The following ARHGAP10 variants were observed in gnomAD, a reference collection of about 807,000 sequenced individuals.
ARHGAP10 encodes the protein rho GTPase-activating protein 10.
Under a neutral mutation model 108.6 loss-of-function variants are expected in ARHGAP10, and 87 were observed. That is an observed-to-expected ratio of 0.80 (90% CI 0.67 to 0.96). The LOEUF (loss-of-function observed/expected upper bound fraction) is 0.96, where lower values mean the gene tolerates loss of function less well. Among genes scored for constraint, ARHGAP10 ranks in the 40% least tolerant of loss-of-function variants. The probability of loss-of-function intolerance (pLI) is 0.00; values close to 1 mark genes in which losing one functional copy is unlikely to be tolerated. For synonymous variants in ARHGAP10, 347 were observed against 341.1 expected (o/e 1.02, Z -0.19); for missense variants, 939 against 954.5 (o/e 0.98, Z 0.21).
chr4:147,870,302 C>T (rs995426156), intron 7 of ARHGAP10, among the ~76,000 whole-genome samples: 1 of 152,160 alleles, frequency 6.6e-6, no homozygotes, highest in Admixed American at 6.5e-5. Flanking sequence ...ACCTCGTGAT[C>T]TGCCTGCCTT....
chr4:147,912,985 G>T (rs1736819044), intron 12 of ARHGAP10, 89 bp from the exon 13 acceptor site: 2 of 1,278,062 alleles, frequency 1.6e-6, no homozygotes, highest in Non-Finnish European at 2.2e-6. Flanking sequence ...AAATTAGTTT[G>T]GATTTAAATA....
At chr4:147,773,221 C>T (rs1560749982) in intron 1 of ARHGAP10, among the ~76,000 whole-genome samples, 2 of 152,046 alleles carry the variant, frequency 1.3e-5, no homozygotes, top group Admixed American at 6.6e-5. Flanking sequence ...GTTAATGTGA[C>T]GTTACTTTCA....
At position 147,755,323 on chromosome 4, in the gene ARHGAP10, A is replaced by G. The variant is rs886353339; in HGVS notation, c.154+22868A>G. On this transcript the variant is annotated intron_variant, in intron 1 of 22. Coordinates refer to ENST00000336498, the MANE Select transcript of ARHGAP10 (RefSeq NM_024605.4). ...AACTCAGTCTGGGCGTTCTGTGTTC[A>G]TGGCATTTCTTCCCAGTTAATTCAT... 2.0e-5 allele frequency among the ~76,000 whole-genome samples: 3 copies of G among 152,252 alleles called. No homozygotes were observed. In the East Asian group the frequency reaches 5.8e-4, roughly 29 times the overall value.
intron 1 of ARHGAP10, among the ~76,000 whole-genome samples, chr4:147,746,314 G>A (rs1578994087): frequency 6.6e-6 from 1 of 151,672 alleles, no homozygotes; most frequent in South Asian, 2.1e-4. Context: ...ATGTTGGCCA[G>A]GATGGTCTTG....
At chr4:147,732,753 C>A (rs1376733881) in intron 1 of ARHGAP10, among the ~76,000 whole-genome samples, 2 of 152,218 alleles carry the variant, frequency 1.3e-5, no homozygotes, top group Admixed American at 1.3e-4. Flanking sequence ...GCTGAATGCG[C>A]GCTCCGCTGG....
chr4:148,061,368 G>T (rs186448616), intron 20 of ARHGAP10, among the ~76,000 whole-genome samples: 3 of 152,138 alleles, frequency 2.0e-5, no homozygotes, highest in Non-Finnish European at 4.4e-5. Context: ...CAATTGTTTG[G>T]CTAACTGTGG....
At chr4:147,977,054 T>C (rs1181322256) in intron 18 of ARHGAP10, among the ~76,000 whole-genome samples, 4 of 152,242 alleles carry the variant, frequency 2.6e-5, no homozygotes, top group Non-Finnish European at 4.4e-5. Flanking sequence ...TCTGAGGTCC[T>C]GCCCACTCTG....
intron 4 of ARHGAP10, 23 bp from the exon 5 acceptor site, chr4:147,857,530 C>T: frequency 1.5e-6 from 2 of 1,362,726 alleles, no homozygotes; most frequent in Admixed American, 3.9e-5. Context: ...TCTGTTTAAT[C>T]ATAGTTTTTT....
intron 3 of ARHGAP10, among the ~76,000 whole-genome samples, chr4:147,842,206 G>T (rs1222246759): frequency 6.6e-6 from 1 of 152,120 alleles, no homozygotes; most frequent in African/African-American, 2.4e-5. Context: ...AAGCGCTAGG[G>T]TTATGGGGTG....
At chr4:148,025,093 G>T (rs1163698361) in intron 19 of ARHGAP10, among the ~76,000 whole-genome samples, 1 of 152,164 alleles carries the variant, frequency 6.6e-6, no homozygotes, top group East Asian at 1.9e-4. Context: ...TCATTGGATT[G>T]CTAAGTGATT....
At chr4:147,886,215 G>A (rs1473010126) in intron 10 of ARHGAP10, among the ~76,000 whole-genome samples, 1 of 152,152 alleles carries the variant, frequency 6.6e-6, no homozygotes, top group Non-Finnish European at 1.5e-5. Flanking sequence ...TTTGGATAAA[G>A]GATACTCAAC....
At chr4:147,937,010 G>A (rs1039793431) in intron 13 of ARHGAP10, among the ~76,000 whole-genome samples, 4 of 152,110 alleles carry the variant, frequency 2.6e-5, no homozygotes, top group African/African-American at 9.7e-5. Context: ...TCTAGGTTTT[G>A]TACTCCTTAT....
chr4:147,825,302 T>G (rs980066025), intron 3 of ARHGAP10, among the ~76,000 whole-genome samples: 1 of 151,956 alleles, frequency 6.6e-6, no homozygotes, highest in African/African-American at 2.4e-5. Context: ...ATACAAAAAT[T>G]AGCTGGGTGT....
intron 18 of ARHGAP10, among the ~76,000 whole-genome samples, chr4:148,014,667 A>G (rs1265337000): frequency 1.3e-5 from 2 of 152,234 alleles, no homozygotes; most frequent in Admixed American, 1.3e-4. Context: ...CTATGGGTGC[A>G]ATAGGTAGTT....
At chr4:147,750,308 GA>G (rs1729088540) in intron 1 of ARHGAP10, among the ~76,000 whole-genome samples, 2 of 152,274 alleles carry the variant, frequency 1.3e-5, no homozygotes, top group Admixed American at 1.3e-4. Context: ...AGAATGAAGG[GA>G]GGTGTTTAAT....
intron 10 of ARHGAP10, among the ~76,000 whole-genome samples, chr4:147,883,886 G>C (rs552338397): frequency 3.9e-5 from 6 of 151,978 alleles, no homozygotes; most frequent in South Asian, 2.1e-4. Flanking sequence ...GTACAGACAG[G>C]GTTTTGCTAT....
chr4:147,885,192 A>G (rs1329597777), intron 10 of ARHGAP10, among the ~76,000 whole-genome samples: 1 of 152,106 alleles, frequency 6.6e-6, no homozygotes, highest in Non-Finnish European at 1.5e-5. Context: ...GGGTCATTGT[A>G]TTAGTTCATT....
intron 3 of ARHGAP10, among the ~76,000 whole-genome samples, chr4:147,824,015 G>A (rs574567889): frequency 1.5e-4 from 23 of 151,936 alleles, no homozygotes; most frequent in Non-Finnish European, 2.8e-4. Flanking sequence ...TTTATTTCAG[G>A]CTTAAAAAAA....
At chr4:147,750,944 A>G (rs1392440106) in intron 1 of ARHGAP10, among the ~76,000 whole-genome samples, 4 of 151,064 alleles carry the variant, frequency 2.6e-5, no homozygotes, top group African/African-American at 7.3e-5. Context: ...TGGAGGGCTC[A>G]TTGTGGGCAG....
Sources: gnomAD v4.1 joint callset for allele counts (sites outside exome capture counted in the v4.1 genomes callset) on GRCh38, gnomAD v4.1.1 for gene constraint, MANE v1.5 for transcripts, NCBI Gene and HGNC (gene_info 2026-07-23, HGNC 2026-07-21) for gene names.